Variants in ERBB4 observed in about 807,000 individuals in gnomAD.
ERBB4 encodes the protein erb-b2 receptor tyrosine kinase 4, also known as receptor tyrosine-protein kinase erbB-4.
A neutral mutation model predicts 158.0 loss-of-function variants in ERBB4; 42 were observed. The observed-to-expected ratio is 0.27, with a 90% CI of 0.21 to 0.34. ERBB4 has a LOEUF of 0.34. Among genes scored for constraint, ERBB4 ranks in the 10% least tolerant of loss-of-function variants. The pLI, the probability that ERBB4 is intolerant of heterozygous loss-of-function variation, is 1.00. For synonymous variants in ERBB4, 583 were observed against 558.7 expected (o/e 1.04, Z -0.61); for missense variants, 1,333 against 1,624.1 (o/e 0.82, Z 3.08).
intron 1 of ERBB4, among the ~76,000 whole-genome samples, chr2:212,536,787 G>GC (rs772166986): frequency 2.0e-5 from 3 of 152,192 alleles, no homozygotes; most frequent in Non-Finnish European, 4.4e-5. Flanking sequence ...GAACCAGACA[G>GC]CCCCCAGTAG....
chr2:211,511,726 T>TA (rs958963695), intron 20 of ERBB4, among the ~76,000 whole-genome samples: 1 of 151,950 alleles, frequency 6.6e-6, no homozygotes, highest in African/African-American at 2.4e-5. Flanking sequence ...GAAAAAGCAT[T>TA]AAAAAAAGAG....
At chr2:211,607,245 C>G (rs573409663) in intron 19 of ERBB4, among the ~76,000 whole-genome samples, 3 of 152,226 alleles carry the variant, frequency 2.0e-5, no homozygotes, top group African/African-American at 7.2e-5. Flanking sequence ...CCAAATGTTT[C>G]ATTTTCATTT....
chr2:212,398,467 C>T (rs1560210824), intron 1 of ERBB4, among the ~76,000 whole-genome samples: 1 of 152,024 alleles, frequency 6.6e-6, no homozygotes, highest in Non-Finnish European at 1.5e-5. Context: ...AATAGTTCAT[C>T]CTAACAAACA....
intron 20 of ERBB4, among the ~76,000 whole-genome samples, chr2:211,444,157 C>T (rs2064055844): frequency 7.7e-6 from 1 of 129,086 alleles, no homozygotes; most frequent in Admixed American, 7.9e-5. Flanking sequence ...TATAACATTT[C>T]ACTTTAATGT....
intron 3 of ERBB4, among the ~76,000 whole-genome samples, chr2:211,817,970 A>G (rs2076913989): frequency 1.3e-5 from 2 of 152,138 alleles, no homozygotes; most frequent in Admixed American, 1.3e-4. Context: ...GACAGATAAG[A>G]ACTCATATCT....
At chr2:212,257,669 T>C (rs1239101260) in intron 1 of ERBB4, among the ~76,000 whole-genome samples, 1 of 152,184 alleles carries the variant, frequency 6.6e-6, no homozygotes, top group African/African-American at 2.4e-5. Context: ...TTGTTAAGAA[T>C]TCACTCTAAA....
chr2:212,454,804 A>G (rs1392201033), intron 1 of ERBB4, among the ~76,000 whole-genome samples: 3 of 152,156 alleles, frequency 2.0e-5, no homozygotes, highest in Non-Finnish European at 2.9e-5. Context: ...GTCTGTTTCC[A>G]CATCAACAAA....
chr2:211,659,546 TAA>T (rs2071341978), intron 15 of ERBB4, among the ~76,000 whole-genome samples: 1 of 152,126 alleles, frequency 6.6e-6, no homozygotes, highest in African/African-American at 2.4e-5. Flanking sequence ...TTTGTAAAAT[TAA>T]AAGTCTGCTT....
chr2:211,524,628 G>A (rs908908166), intron 20 of ERBB4, among the ~76,000 whole-genome samples: 2 of 104,060 alleles, frequency 1.9e-5, no homozygotes, highest in East Asian at 2.9e-4. Flanking sequence ...CGGGTGCTAC[G>A]CCCCTCATTG....
rs146145153 is a variant in ERBB4, at chr2:212,107,924, G to A, written c.234+16828C>T. Among the ~76,000 whole-genome samples, 17 of 152,240 alleles carry A rather than the reference G, an allele frequency of 1.1e-4. No homozygotes were observed. In the South Asian group the frequency reaches 1.5e-3, roughly 13 times the overall value. ...ATGATTGTGAGGCTTCCCCAGCCAC[G>A]TGGAACTGTGAATCCATTAAACCTT... On this transcript the variant is annotated intron_variant, in intron 2 of 27. Transcript: ENST00000342788.
At chr2:212,459,194 A>C (rs1688452237) in intron 1 of ERBB4, among the ~76,000 whole-genome samples, 1 of 152,058 alleles carries the variant, frequency 6.6e-6, no homozygotes, top group African/African-American at 2.4e-5. Flanking sequence ...GTACTCTTTG[A>C]GTTGTTTTTT....
intron 24 of ERBB4, 63 bp downstream of exon 24, chr2:211,421,944 T>C: frequency 2.1e-6 from 2 of 948,386 alleles, no homozygotes; most frequent in South Asian, 2.6e-5. Flanking sequence ...GTCCTGATAC[T>C]ACTCATTTTG....
intron 3 of ERBB4, among the ~76,000 whole-genome samples, chr2:211,913,649 G>A (rs1559087701): frequency 2.1e-5 from 3 of 140,608 alleles, no homozygotes; most frequent in African/African-American, 7.9e-5. Flanking sequence ...GTGTGTGTGT[G>A]TGTGTGTGTA....
intron 20 of ERBB4, among the ~76,000 whole-genome samples, chr2:211,460,039 A>C (rs1437893416): frequency 6.6e-6 from 1 of 152,040 alleles, no homozygotes; most frequent in Non-Finnish European, 1.5e-5. Flanking sequence ...TTTATTCAGA[A>C]GTCCTTTAGT....
chr2:211,773,570 A>G (rs2075769495), intron 4 of ERBB4, among the ~76,000 whole-genome samples: 1 of 131,946 alleles, frequency 7.6e-6, no homozygotes, highest in Non-Finnish European at 1.6e-5. Context: ...GTCACTTTCA[A>G]GAAAGTAAGG....
At chr2:212,184,693 A>G (rs2081966792) in intron 1 of ERBB4, among the ~76,000 whole-genome samples, 1 of 152,132 alleles carries the variant, frequency 6.6e-6, no homozygotes, top group African/African-American at 2.4e-5. Context: ...AGTTACAAAA[A>G]TATTACAATT....
At chr2:211,472,140 A>T (rs1482661211) in intron 20 of ERBB4, among the ~76,000 whole-genome samples, 1 of 152,040 alleles carries the variant, frequency 6.6e-6, no homozygotes, top group Non-Finnish European at 1.5e-5. Flanking sequence ...AGGTAGACAG[A>T]CAAGTGTGAA....
intron 3 of ERBB4, among the ~76,000 whole-genome samples, chr2:211,820,245 T>C (rs55988979): frequency 0.24 from 35,930 of 151,568 alleles, 4,400 homozygotes; most frequent in South Asian, 0.33. Context: ...AACTGAGAAT[T>C]AGGGACTGTT....
intron 4 of ERBB4, among the ~76,000 whole-genome samples, chr2:211,772,965 T>TTA (rs2075755267): frequency 7.5e-6 from 1 of 133,246 alleles, no homozygotes; most frequent in Non-Finnish European, 1.6e-5. Context: ...ATTTTTTTTT[T>TTA]TAAAGATGGG....
Sources: allele counts gnomAD v4.1 joint callset (sites outside exome capture counted in the v4.1 genomes callset), GRCh38; gene constraint gnomAD v4.1.1; transcripts MANE v1.5; gene names NCBI Gene and HGNC (gene_info 2026-07-23, HGNC 2026-07-21).